RET: variants seen among roughly 807,000 people sequenced by gnomAD.
The protein encoded by RET is proto-oncogene tyrosine-protein kinase receptor Ret.
A neutral mutation model predicts 118.3 loss-of-function variants in RET; 19 were observed. The observed-to-expected ratio is 0.16, with a 90% CI of 0.11 to 0.24. RET has a LOEUF of 0.24. Among genes scored for constraint, RET ranks in the 10% least tolerant of loss-of-function variants. The probability of loss-of-function intolerance (pLI) is 1.00; values close to 1 mark genes in which losing one functional copy is unlikely to be tolerated. For missense variants in RET, 1,219 were observed against 1,502.1 expected (o/e 0.81, Z 3.12); for synonymous variants, 597 against 644.1 (o/e 0.93, Z 1.11).
chr10:43,095,536 T>G (rs1399957886), intron 1 of RET, among the ~76,000 whole-genome samples: 1 of 152,178 alleles, frequency 6.6e-6, no homozygotes, highest in Non-Finnish European at 1.5e-5. Context: ...ACGAGGGGGC[T>G]CAGGACTGGT....
chr10:43,124,377 G>C (rs781618872), intron 17 of RET, among the ~76,000 whole-genome samples: 14 of 152,140 alleles, frequency 9.2e-5, no homozygotes, highest in Non-Finnish European at 1.6e-4. Flanking sequence ...TGGGCCCCCA[G>C]CTGGTGGCCA....
chr10:43,124,742 G>A, intron 17 of RET, 141 bp from the exon 18 acceptor site: 3 of 846,008 alleles, frequency 3.5e-6, no homozygotes, highest in Non-Finnish European at 6.0e-6. Flanking sequence ...AGAGATGTCA[G>A]CGATGCAGAA....
At chr10:43,108,932 C>A in intron 5 of RET, 99 bp from the exon 6 acceptor site, 2 of 1,203,570 alleles carry the variant, frequency 1.7e-6, no homozygotes, top group Non-Finnish European at 2.4e-6. Flanking sequence ...TGCGTGTTTG[C>A]ACCAGTGTGA....
rs1387381256 is a variant in RET at position 43,112,891 on chromosome 10, A to G, written c.1687A>G (p.Lys563Glu). Reference sequence around the variant, plus strand: ...CTTCTCCACCTGCTCTCCCAGCACCAAGACCTGCCCCGACGGCCACTGCGA... The same window carrying G: ...CTTCTCCACCTGCTCTCCCAGCACCGAGACCTGCCCCGACGGCCACTGCGA... ...RNFSTCSPSTKTCPDGHCDVV... is the reference protein window; with the variant it reads ...RNFSTCSPSTETCPDGHCDVV... Residue 563 changes from lysine to glutamate, a missense_variant, in exon 9 of 20, where the codon AAG (lysine) becomes GAG (glutamate). Around this residue, in one of 5 missense-constraint regions of RET, gnomAD observed 850 missense variants for 969.6 expected, o/e 0.88. Transcript: ENST00000355710. The G allele has an allele frequency of 6.2e-7, 1 of 1,614,126 alleles. No individual in the cohort carries two copies. Among genetic ancestry groups the G allele is most frequent in the Admixed American group, 1.7e-5 (1 of 60,020 alleles).
At chr10:43,086,061 GGGGTGGTA>G (rs1194451376) in intron 1 of RET, among the ~76,000 whole-genome samples, 1 of 152,210 alleles carries the variant, frequency 6.6e-6, no homozygotes, top group Admixed American at 6.5e-5. Flanking sequence ...CAATGCAGAA[GGGGTGGTA>G]GCTCACGGTG....
chr10:43,119,474 CT>C lies in RET; in HGVS notation c.2393-56del, dbSNP rs1838150246. 9 of 1,500,088 alleles carry C rather than the reference CT, an allele frequency of 6.0e-6. No homozygotes were observed. The South Asian group carries it at 9.6e-5, about 16-fold the overall frequency. 92.9% of individuals were successfully genotyped at this position (1,500,088 alleles called of 1,614,324 possible). On this transcript the variant is annotated intron_variant, in intron 13 of 19. Transcript: ENST00000355710. ...CCCTGCGGCCTCCCACCCCTGGCTC[CT>C]GGAAGACCCAAGCTGCCTGACCCGC...
Position 43,128,335 on chromosome 10 carries a change from G to A in RET, c.*66G>A, listed in dbSNP as rs528719922. 2.8e-5 allele frequency: 45 copies of A among 1,581,534 alleles called. No homozygotes were observed. The highest frequency in any genetic ancestry group is 4.5e-5 in the East Asian group (2 of 44,732). ...ACATGCTGAGAATGGAAAGTCTACC[G>A]GCCCTTTCTTTGTGAACGTCACATT... On this transcript the variant is annotated 3_prime_UTR_variant, in exon 20 of 20. Coordinates refer to ENST00000355710, the MANE Select transcript of RET (RefSeq NM_020975.6).
rs555687798 is a variant in RET at position 43,089,071 on chromosome 10, C to T, written c.74-11388C>T. Among the ~76,000 whole-genome samples the T allele has an allele frequency of 6.2e-4, 94 of 152,336 alleles. 1 individual carries two copies. The highest frequency in any genetic ancestry group is 5.7e-4 in the Non-Finnish European group (39 of 68,020). ...CTCTTGGTCAGGCATTTTTTCAGAACGGGCAGCGTGGGGCAGCCCCCTTGG... is the reference window on the plus strand; with the variant it reads ...CTCTTGGTCAGGCATTTTTTCAGAATGGGCAGCGTGGGGCAGCCCCCTTGG... On this transcript the variant is annotated intron_variant, in intron 1 of 19. Transcript: ENST00000355710.
intron 13 of RET, among the ~76,000 whole-genome samples, chr10:43,118,920 A>G (rs1303830897): frequency 6.6e-6 from 1 of 152,228 alleles, no homozygotes; most frequent in African/African-American, 2.4e-5. Flanking sequence ...ACCATTTCTC[A>G]GATAAAGACC....
chr10:43,128,393 C>CT lies in RET; in HGVS notation c.*125dup. 1 of 1,175,220 alleles carries CT rather than the reference C, an allele frequency of 8.5e-7. No homozygotes were observed. Among genetic ancestry groups the CT allele is most frequent in the South Asian group, 1.2e-5 (1 of 80,078 alleles). 72.8% of individuals were successfully genotyped at this position (1,175,220 alleles called of 1,614,324 possible). Reference sequence around the variant, plus strand: ...CCGTGTTCAGTTCCCAGGTGGCAGACTCGTTTTTGGTAGTTTGTTTTAACT... The same window carrying CT: ...CCGTGTTCAGTTCCCAGGTGGCAGACTTCGTTTTTGGTAGTTTGTTTTAACT... On this transcript the variant is annotated 3_prime_UTR_variant, in exon 20 of 20. Coordinates refer to ENST00000355710, the MANE Select transcript of RET (RefSeq NM_020975.6).
chr10:43,129,817 C>A lies in RET; in HGVS notation c.*1548C>A. 1 of 387,068 alleles carries A rather than the reference C, an allele frequency of 2.6e-6. No homozygotes were observed. Among genetic ancestry groups the A allele is most frequent in the East Asian group, 3.8e-5 (1 of 26,450 alleles). The allele number at this position is 387,068 out of a possible 1,614,324, so 24.0% of individuals were successfully genotyped here. A position where few individuals can be genotyped will look rare whatever the true frequency, so the allele number is the denominator to read the frequency against. ...ACCCAGAGGGAGAGTTTGAAAAATGCTTATTGGACACGTAACCTGGCTCTA... is the reference window on the plus strand; with the variant it reads ...ACCCAGAGGGAGAGTTTGAAAAATGATTATTGGACACGTAACCTGGCTCTA... On this transcript the variant is annotated 3_prime_UTR_variant, in exon 20 of 20. Transcript: ENST00000355710.
At chr10:43,094,279 C>T (rs1416496140) in intron 1 of RET, among the ~76,000 whole-genome samples, 1 of 152,006 alleles carries the variant, frequency 6.6e-6, no homozygotes, top group Non-Finnish European at 1.5e-5. Context: ...ATTAGGAAAT[C>T]GTCTCTTAAG....
At chr10:43,125,524 T>C (rs1371651125) in intron 18 of RET, among the ~76,000 whole-genome samples, 2 of 152,228 alleles carry the variant, frequency 1.3e-5, no homozygotes, top group Non-Finnish European at 2.9e-5. Context: ...TAACAATTCA[T>C]TTAAATTTCC....
Position 43,116,711 on chromosome 10 carries a change from T to C in RET, c.2264T>C (p.Val755Ala), listed in dbSNP as rs1256848994. 6.3e-7 allele frequency: 1 copy of C among 1,585,338 alleles called. No individual in the cohort carries two copies. Among genetic ancestry groups the C allele is most frequent in the Non-Finnish European group, 8.6e-7 (1 of 1,162,962 alleles). ...AAAGGCAGAGCAGGGTACACCACGG[T>C]GGCCGTGAAGATGCTGAAAGGTACC... is the stretch of plus-strand genomic sequence containing the variant. ...HLKGRAGYTT[V>A]AVKMLKENAS... Residue 755 changes from valine to alanine, a missense_variant, in exon 12 of 20, where the codon GTG becomes GCG. Around this residue, in one of 5 missense-constraint regions of RET, gnomAD observed 850 missense variants for 969.6 expected, o/e 0.88. Coordinates refer to ENST00000355710, the MANE Select transcript of RET (RefSeq NM_020975.6).
intron 2 of RET, among the ~76,000 whole-genome samples, chr10:43,102,007 G>A (rs1837651382): frequency 7.5e-6 from 1 of 133,732 alleles, no homozygotes; most frequent in South Asian, 2.5e-4. Flanking sequence ...AGGAGGGTGT[G>A]GCAGGGGGGG....
At chr10:43,099,310 G>A (rs1160497981) in intron 1 of RET, among the ~76,000 whole-genome samples, 4 of 152,194 alleles carry the variant, frequency 2.6e-5, no homozygotes, top group African/African-American at 9.6e-5. Flanking sequence ...GAGAGTTCGA[G>A]ACCAGCCTGA....
Position 43,077,254 on chromosome 10 carries a change from G to C in RET, c.-5G>C. On this transcript the variant is annotated 5_prime_UTR_variant, in exon 1 of 20. Coordinates refer to ENST00000355710, the MANE Select transcript of RET (RefSeq NM_020975.6). ...CTCCAGCCGTGGCCCCAGCGCGCAC[G>C]GGCGATGGCGAAGGCGACGTCCGGT... is the stretch of plus-strand genomic sequence containing the variant. The C allele has an allele frequency of 6.7e-7, 1 of 1,500,778 alleles. No homozygotes were observed. 93.0% of individuals were successfully genotyped at this position (1,500,778 alleles called of 1,614,324 possible). A position where few individuals can be genotyped will look rare whatever the true frequency, so the allele number is the denominator to read the frequency against.
At position 43,128,290 on chromosome 10, in the gene RET, T is replaced by G; in HGVS notation, c.*21T>G. On this transcript the variant is annotated 3_prime_UTR_variant, in exon 20 of 20. Transcript: ENST00000355710. ...GTTAACATTTCTTTGTGAAAGGTAATGGACTCACAAGGGGAAGAAACATGC... is the reference window on the plus strand; with the variant it reads ...GTTAACATTTCTTTGTGAAAGGTAAGGGACTCACAAGGGGAAGAAACATGC... The G allele has an allele frequency of 6.2e-7, 1 of 1,613,834 alleles. No individual in the cohort carries two copies. The highest frequency in any genetic ancestry group is 8.5e-7 in the Non-Finnish European group (1 of 1,179,722).
rs771998796 is a variant in RET, at chr10:43,083,685, C to T, written c.73+6354C>T. ...ACACTTCTGCCTACCAGCTCTCCAT[C>T]CCTTGTCCTGGTCCACATAGCAGGG... On this transcript the variant is annotated intron_variant, in intron 1 of 19. Transcript: ENST00000355710. Among the ~76,000 whole-genome samples the T allele has an allele frequency of 9.3e-4, 142 of 152,354 alleles. 1 individual carries two copies. Among genetic ancestry groups the T allele is most frequent in the Non-Finnish European group, 1.6e-3 (111 of 68,038 alleles).
Sources: allele counts gnomAD v4.1 joint callset (sites outside exome capture counted in the v4.1 genomes callset), GRCh38; gene constraint gnomAD v4.1.1; regional missense constraint gnomAD v4.1.1; transcripts MANE v1.5; gene names NCBI Gene and HGNC (gene_info 2026-07-23, HGNC 2026-07-21).